Variants in ADAMTSL1 observed in about 807,000 individuals in gnomAD.
ADAMTSL1 encodes ADAMTS like 1.
Under a neutral mutation model 201.8 loss-of-function variants are expected in ADAMTSL1, and 126 were observed. That is an observed-to-expected ratio of 0.62 (90% CI 0.54 to 0.72). The LOEUF (loss-of-function observed/expected upper bound fraction) is 0.72. Among genes scored for constraint, ADAMTSL1 ranks in the 30% least tolerant of loss-of-function variants. The probability of loss-of-function intolerance (pLI) is 0.00; values close to 1 mark genes in which losing one functional copy is unlikely to be tolerated. For synonymous variants in ADAMTSL1, 1,121 were observed against 903.4 expected (o/e 1.24, Z -4.32); for missense variants, 2,679 against 2,277.8 (o/e 1.18, Z -3.59).
rs1193331758 is a variant in ADAMTSL1, at chr9:18,892,437, T to C, written c.4692T>C (p.Gly1564=). The change falls in exon 26 of 29, where the codon GGT becomes GGC. Residue 1564 remains glycine (G), a synonymous_variant. Coordinates refer to ENST00000380548, the MANE Select transcript of ADAMTSL1 (RefSeq NM_001040272.6). Reference sequence around the variant, plus strand: ...CCTGTACCCGGAGCTGTGGGGGAGGTGTCCAGACCCGCAGGGTGACCTGTC... The same window carrying C: ...CCTGTACCCGGAGCTGTGGGGGAGGCGTCCAGACCCGCAGGGTGACCTGTC... ...WSACTRSCGG[G]VQTRRVTCQK... The C allele has an allele frequency of 1.2e-6, 2 of 1,613,128 alleles. No individual in the cohort carries two copies. The highest frequency in any genetic ancestry group is 1.7e-6 in the Non-Finnish European group (2 of 1,179,764).
chr9:18,342,444 A>G (rs1228138322), intron 2 of ADAMTSL1, among the ~76,000 whole-genome samples: 1 of 152,142 alleles, frequency 6.6e-6, no homozygotes, highest in East Asian at 1.9e-4. Flanking sequence ...TGGCAAAAGG[A>G]CTAAGAGGAG....
intron 3 of ADAMTSL1, among the ~76,000 whole-genome samples, chr9:18,554,259 T>A (rs189574348): frequency 1.3e-5 from 2 of 151,970 alleles, no homozygotes; most frequent in African/African-American, 4.8e-5. Context: ...ATTTTTTTAT[T>A]TTGCATCCTG....
chr9:18,445,167 C>T (rs1032355174), intron 2 of ADAMTSL1, among the ~76,000 whole-genome samples: 6 of 152,146 alleles, frequency 3.9e-5, no homozygotes, highest in East Asian at 3.8e-4. Flanking sequence ...AAATTCTTCT[C>T]GATTGTTCTG....
chr9:18,894,393 C>G (rs1276345639), intron 26 of ADAMTSL1, among the ~76,000 whole-genome samples: 3 of 125,704 alleles, frequency 2.4e-5, no homozygotes, highest in African/African-American at 9.6e-5. Flanking sequence ...GTATAGTGAT[C>G]AAATTGGCAA....
chr9:18,601,603 A>T (rs961842642), intron 4 of ADAMTSL1, among the ~76,000 whole-genome samples: 7 of 152,328 alleles, frequency 4.6e-5, no homozygotes, highest in African/African-American at 1.7e-4. Flanking sequence ...ATAAGTGACC[A>T]TGGGCATAGT....
chr9:18,216,125 G>A (rs1202575329), intron 2 of ADAMTSL1, among the ~76,000 whole-genome samples: 1 of 152,126 alleles, frequency 6.6e-6, no homozygotes, highest in Non-Finnish European at 1.5e-5. Context: ...TCTCTAATAA[G>A]AGAATCCTCA....
rs148944675 is a variant in ADAMTSL1 at position 18,345,520 on chromosome 9, G to A, written c.208-159309G>A. ...CTAGGATTTGACATTTTCAGTGATC[G>A]AGAATTACTATATTTTATAAACGGA... is the stretch of plus-strand genomic sequence containing the variant. On this transcript the variant is annotated intron_variant, in intron 2 of 29. Transcript: ENST00000680146. Among the ~76,000 whole-genome samples the A allele has an allele frequency of 3.3e-5, 5 of 152,212 alleles. No homozygotes were observed. The South Asian group carries it at 8.3e-4, about 25-fold the overall frequency.
chr9:18,492,140 C>G (rs1274641095), intron 1 of ADAMTSL1, among the ~76,000 whole-genome samples: 1 of 151,970 alleles, frequency 6.6e-6, no homozygotes, highest in African/African-American at 2.4e-5. Flanking sequence ...TAGGGAAGCA[C>G]AATAACAGAG....
chr9:18,469,646 T>A (rs1460936771), upstream of ADAMTSL1, among the ~76,000 whole-genome samples: 1 of 152,260 alleles, frequency 6.6e-6, no homozygotes, highest in Non-Finnish European at 1.5e-5. Flanking sequence ...CATGCCCACC[T>A]TCCCTGATCC....
intron 1 of ADAMTSL1, among the ~76,000 whole-genome samples, chr9:17,966,148 C>G (rs1370583893): frequency 6.6e-6 from 1 of 152,072 alleles, no homozygotes; most frequent in Non-Finnish European, 1.5e-5. Context: ...TAAGAGAGGT[C>G]TGGGAAACCT....
chr9:18,893,117 C>T (rs1020595755), intron 26 of ADAMTSL1, among the ~76,000 whole-genome samples: 2 of 151,890 alleles, frequency 1.3e-5, no homozygotes, highest in East Asian at 3.9e-4. Flanking sequence ...TCCTTATTTC[C>T]AGTGACATAA....
chr9:18,861,076 C>T (rs1827185310), intron 23 of ADAMTSL1, among the ~76,000 whole-genome samples: 1 of 152,202 alleles, frequency 6.6e-6, no homozygotes, highest in African/African-American at 2.4e-5. Context: ...ACACATCCCT[C>T]GTTATACAGA....
intron 1 of ADAMTSL1, among the ~76,000 whole-genome samples, chr9:18,039,755 C>T (rs939524246): frequency 1.3e-5 from 2 of 152,090 alleles, no homozygotes; most frequent in Non-Finnish European, 2.9e-5. Flanking sequence ...TACCATAGAT[C>T]AAATGGTGGT....
intron 1 of ADAMTSL1, among the ~76,000 whole-genome samples, chr9:17,979,815 G>A (rs778364539): frequency 1.4e-4 from 22 of 152,122 alleles, no homozygotes; most frequent in Non-Finnish European, 2.8e-4. Flanking sequence ...CAGGGATTCT[G>A]GTTCAGTCAG....
At position 18,710,671 on chromosome 9, in the gene ADAMTSL1, G is replaced by GTTTT. The variant is rs1218055587; in HGVS notation, c.1876+3639_1876+3642dup. On this transcript the variant is annotated intron_variant, in intron 14 of 28. Coordinates refer to ENST00000380548, the MANE Select transcript of ADAMTSL1 (RefSeq NM_001040272.6). ...CTTAGAAGGGCCTAAGTTTTGTTTT[G>GTTTT]TTTTTTTTTTTTTTTTTTTACAAAA... Among the ~76,000 whole-genome samples the GTTTT allele has an allele frequency of 2.1e-5, 2 of 97,182 alleles. 1 individual carries two copies. Among genetic ancestry groups the GTTTT allele is most frequent in the Non-Finnish European group, 4.2e-5 (2 of 48,006 alleles). 63.8% of individuals were successfully genotyped at this position (97,182 alleles called of 152,430 possible).
intron 2 of ADAMTSL1, among the ~76,000 whole-genome samples, chr9:18,327,123 A>C (rs1258237467): frequency 6.6e-6 from 1 of 152,246 alleles, no homozygotes; most frequent in African/African-American, 2.4e-5. Flanking sequence ...TTTGAGTTTC[A>C]TGGTAGGTCA....
intron 26 of ADAMTSL1, among the ~76,000 whole-genome samples, chr9:18,902,434 C>T (rs1427121864): frequency 6.6e-6 from 1 of 151,720 alleles, no homozygotes; most frequent in Non-Finnish European, 1.5e-5. Context: ...GGGAAGGAAA[C>T]TAGAAGTCAA....
intron 1 of ADAMTSL1, among the ~76,000 whole-genome samples, chr9:18,483,608 A>T (rs536602139): frequency 6.6e-5 from 10 of 152,304 alleles, no homozygotes; most frequent in African/African-American, 2.2e-4. Context: ...CAGGTGGATC[A>T]GGAGGTCAGG....
In ADAMTSL1 at chr9:18,330,452, CA is replaced by C. The variant is rs375562301; in HGVS notation, c.207+166483del. ...TCCATCATAACCTTCTTTGTTTCATCAAAAAAAAAAAACTAAAATCTCTCAT... is the reference window on the plus strand; with the variant it reads ...TCCATCATAACCTTCTTTGTTTCATCAAAAAAAAAAACTAAAATCTCTCAT... On this transcript the variant is annotated intron_variant, in intron 2 of 29. Coordinates refer to the ADAMTSL1 transcript ENST00000680146. Among the ~76,000 whole-genome samples the C allele has an allele frequency of 7.5e-3, 1,072 of 143,412 alleles. 9 individuals carry two copies. Among genetic ancestry groups the C allele is most frequent in the Non-Finnish European group, 0.012 (761 of 65,206 alleles). 94.1% of individuals were successfully genotyped at this position (143,412 alleles called of 152,430 possible). A position where few individuals can be genotyped will look rare whatever the true frequency, so the allele number is the denominator to read the frequency against.
Sources: allele counts gnomAD v4.1 joint callset (sites outside exome capture counted in the v4.1 genomes callset), GRCh38; gene constraint gnomAD v4.1.1; transcripts MANE v1.5; gene names NCBI Gene and HGNC (gene_info 2026-07-23, HGNC 2026-07-21).